MAD1L1: variants seen among roughly 807,000 people sequenced by gnomAD.
MAD1L1 encodes the protein mitotic spindle assembly checkpoint protein MAD1.
MAD1L1 carries 95 observed loss-of-function variants against 96.9 expected under a neutral mutation model. That is an observed-to-expected ratio of 0.98 (90% CI 0.83 to 1.16). The LOEUF (loss-of-function observed/expected upper bound fraction) is 1.16. Ranked by LOEUF, MAD1L1 falls within the 50% of genes most tolerant of loss-of-function variation. MAD1L1 has a pLI of 0.00. For missense variants in MAD1L1, 1,007 were observed against 954.4 expected (o/e 1.06, Z -0.73); for synonymous variants, 473 against 396.6 (o/e 1.19, Z -2.29).
intron 13 of MAD1L1, among the ~76,000 whole-genome samples, chr7:2,011,875 G>T (rs911396676): frequency 6.6e-6 from 1 of 152,198 alleles, no homozygotes; most frequent in African/African-American, 2.4e-5. Context: ...GTGCTGGCCT[G>T]CTTCTGGAGG....
chr7:2,028,571 G>A (rs1339433818), intron 12 of MAD1L1, among the ~76,000 whole-genome samples: 1 of 152,110 alleles, frequency 6.6e-6, no homozygotes, highest in Non-Finnish European at 1.5e-5. Context: ...AGACTGACAG[G>A]TTGAGCTGTA....
intron 10 of MAD1L1, among the ~76,000 whole-genome samples, chr7:2,150,374 G>A (rs77223464): frequency 0.014 from 2,079 of 152,146 alleles, 51 homozygotes; most frequent in African/African-American, 0.047. Context: ...CAAACCTCAC[G>A]CACTGGGCCC....
intron 10 of MAD1L1, among the ~76,000 whole-genome samples, chr7:2,166,695 C>T (rs960848247): frequency 9.2e-5 from 14 of 152,368 alleles, no homozygotes; most frequent in Admixed American, 1.3e-4. Context: ...TTCCGGGAGG[C>T]GTGGCCCGGC....
At chr7:2,120,560 A>C (rs977186852) in intron 11 of MAD1L1, among the ~76,000 whole-genome samples, 2 of 151,534 alleles carry the variant, frequency 1.3e-5, no homozygotes, top group African/African-American at 2.4e-5. Context: ...CTTCTGCCAG[A>C]CTCCCCGTGC....
chr7:2,130,512 CCT>C (rs148785777), intron 11 of MAD1L1, among the ~76,000 whole-genome samples: 3 of 151,052 alleles, frequency 2.0e-5, no homozygotes, highest in Admixed American at 6.6e-5. Flanking sequence ...TAGTCTTGGG[CCT>C]CTCTCTCTCT....
intron 10 of MAD1L1, among the ~76,000 whole-genome samples, chr7:2,185,375 G>A (rs1791410207): frequency 6.6e-6 from 1 of 152,208 alleles, no homozygotes; most frequent in Non-Finnish European, 1.5e-5. Flanking sequence ...GGGACGAGAA[G>A]GAACTTCCAG....
intron 18 of MAD1L1, among the ~76,000 whole-genome samples, chr7:1,856,613 T>C (rs951495629): frequency 6.6e-6 from 1 of 152,092 alleles, no homozygotes; most frequent in Non-Finnish European, 1.5e-5. Context: ...TAAGATTCAT[T>C]AATAAAGAAA....
intron 10 of MAD1L1, among the ~76,000 whole-genome samples, chr7:2,204,426 C>G (rs998625387): frequency 6.6e-6 from 1 of 152,190 alleles, no homozygotes; most frequent in East Asian, 1.9e-4. Context: ...ACATCCATTA[C>G]GCCAAAGGGT....
intron 7 of MAD1L1, among the ~76,000 whole-genome samples, chr7:2,217,495 A>G (rs1160951414): frequency 6.6e-6 from 1 of 152,198 alleles, no homozygotes; most frequent in Non-Finnish European, 1.5e-5. Flanking sequence ...GCCAGAGCAC[A>G]GGGTCTGGAG....
At chr7:1,992,422 C>T (rs1283610340) in intron 14 of MAD1L1, among the ~76,000 whole-genome samples, 1 of 152,226 alleles carries the variant, frequency 6.6e-6, no homozygotes, top group African/African-American at 2.4e-5. Flanking sequence ...AAGATGGCAA[C>T]TGCTCTCTGG....
chr7:2,088,418 C>T lies in MAD1L1; in HGVS notation c.1074-19080G>A, dbSNP rs919601392. On this transcript the variant is annotated intron_variant, in intron 11 of 18. Coordinates refer to ENST00000265854, the MANE Select transcript of MAD1L1 (RefSeq NM_001013836.2). This position sits in a 1 kb window ranked among gnomAD's most constrained non-coding sequence, Gnocchi z 4.4. ...CCTATTCCCACCACAGCCCCCGCCC[C>T]GCTCCGTCCCACCATGGCAGTCTGA... Among the ~76,000 whole-genome samples the T allele has an allele frequency of 2.0e-5, 3 of 152,202 alleles. No individual in the cohort carries two copies. Among genetic ancestry groups the T allele is most frequent in the South Asian group, 2.1e-4 (1 of 4,830 alleles).
intron 16 of MAD1L1, among the ~76,000 whole-genome samples, chr7:1,948,180 G>A (rs996789063): frequency 2.0e-5 from 3 of 152,164 alleles, no homozygotes; most frequent in Non-Finnish European, 2.9e-5. Context: ...AGCCCCTGGA[G>A]GCCCCTCCAG....
intron 17 of MAD1L1, among the ~76,000 whole-genome samples, chr7:1,932,945 C>T (rs73050165): frequency 0.032 from 4,930 of 152,368 alleles, 182 homozygotes; most frequent in Admixed American, 0.099. Context: ...TTTCCATTCA[C>T]TGTTCCCTAC....
intron 17 of MAD1L1, among the ~76,000 whole-genome samples, chr7:1,901,031 G>A (rs1003238315): frequency 1.3e-5 from 2 of 152,114 alleles, no homozygotes; most frequent in African/African-American, 4.8e-5. Flanking sequence ...ACAAACCCAG[G>A]GCCCTGGAGG....
intron 9 of MAD1L1, among the ~76,000 whole-genome samples, chr7:2,215,431 G>A (rs1448291304): frequency 2.6e-5 from 4 of 151,492 alleles, no homozygotes; most frequent in Non-Finnish European, 5.9e-5. Context: ...ACTTTAGATC[G>A]GAAATCCAAA....
At chr7:2,087,342 C>G (rs1378977467) in intron 11 of MAD1L1, among the ~76,000 whole-genome samples, 1 of 152,166 alleles carries the variant, frequency 6.6e-6, no homozygotes, top group Admixed American at 6.5e-5. Context: ...GAGTTCAAGA[C>G]CAGCCTGACC....
In MAD1L1 at chr7:1,968,234, C is replaced by A. The variant is rs145098774; in HGVS notation, c.1506-10515G>T. 5.0e-4 allele frequency among the ~76,000 whole-genome samples: 76 copies of A among 152,068 alleles called. No homozygotes were observed. Among genetic ancestry groups the A allele is most frequent in the African/African-American group, 1.8e-3 (73 of 41,482 alleles). ...TCAGGTCCACCGTCGACGCCTCAGT[C>A]CGGCGGTCAGGTCCACCGTCAACAC... On this transcript the variant is annotated intron_variant, in intron 15 of 18. Transcript: ENST00000265854. The surrounding 1 kb of genome is among the most constrained non-coding windows in gnomAD (Gnocchi z 5.6).
At chr7:1,883,950 C>T (rs1583648675) in intron 18 of MAD1L1, among the ~76,000 whole-genome samples, 1 of 152,226 alleles carries the variant, frequency 6.6e-6, no homozygotes, top group Non-Finnish European at 1.5e-5. Context: ...GAATCGCGTG[C>T]AGCTGAAGGA....
chr7:2,217,110 C>T (rs185115374), intron 7 of MAD1L1, among the ~76,000 whole-genome samples: 1 of 152,304 alleles, frequency 6.6e-6, no homozygotes, highest in African/African-American at 2.4e-5. Context: ...CCACCCCTCC[C>T]GTGTCAAGCC....
Sources: allele counts gnomAD v4.1 joint callset (sites outside exome capture counted in the v4.1 genomes callset), GRCh38; gene constraint gnomAD v4.1.1; non-coding constraint Gnocchi (gnomAD v3.1); transcripts MANE v1.5; gene names NCBI Gene and HGNC (gene_info 2026-07-23, HGNC 2026-07-21).